The following SLC35F1 variants were observed in gnomAD, a reference collection of about 807,000 sequenced individuals.
The protein encoded by SLC35F1 is solute carrier family 35 member F1.
Under a neutral mutation model 48.7 loss-of-function variants are expected in SLC35F1, and 14 were observed. The ratio of observed to expected loss-of-function variants is 0.29; its 90% CI spans 0.19 to 0.45. The LOEUF (loss-of-function observed/expected upper bound fraction) is 0.45, where lower values mean the gene tolerates loss of function less well. SLC35F1 is among the 20% of genes least tolerant of loss of function. SLC35F1 has a pLI of 1.00. For synonymous variants in SLC35F1, 190 were observed against 202.2 expected (o/e 0.94, Z 0.51); for missense variants, 404 against 500.0 (o/e 0.81, Z 1.83).
intron 1 of SLC35F1, among the ~76,000 whole-genome samples, chr6:118,026,976 C>T (rs1457047028): frequency 6.6e-6 from 1 of 152,090 alleles, no homozygotes; most frequent in African/African-American, 2.4e-5. Context: ...TTGTCATTGC[C>T]TTCTCCTACT....
intron 1 of SLC35F1, among the ~76,000 whole-genome samples, chr6:118,148,551 C>G (rs1774009380): frequency 6.6e-6 from 1 of 152,144 alleles, no homozygotes; most frequent in Non-Finnish European, 1.5e-5. Context: ...CACTATTTTT[C>G]TTGAGACTCA....
chr6:118,058,825 A>G (rs1458745564), intron 1 of SLC35F1, among the ~76,000 whole-genome samples: 3 of 152,180 alleles, frequency 2.0e-5, no homozygotes, highest in Non-Finnish European at 4.4e-5. Context: ...TGGAAGTCTC[A>G]ACTTCAGAAC....
At chr6:118,188,943 T>C (rs567833293) in intron 2 of SLC35F1, among the ~76,000 whole-genome samples, 18 of 152,232 alleles carry the variant, frequency 1.2e-4, no homozygotes, top group African/African-American at 4.3e-4. Context: ...AGACAGAGTC[T>C]TACTCTCACT....
At chr6:117,924,990 C>T (rs1776009942) in intron 1 of SLC35F1, among the ~76,000 whole-genome samples, 1 of 152,082 alleles carries the variant, frequency 6.6e-6, no homozygotes, top group Non-Finnish European at 1.5e-5. Flanking sequence ...ACTACACATT[C>T]AAAAGGAATA....
At chr6:117,997,870 C>G (rs990935057) in intron 1 of SLC35F1, among the ~76,000 whole-genome samples, 2 of 152,034 alleles carry the variant, frequency 1.3e-5, no homozygotes, top group Non-Finnish European at 2.9e-5. Flanking sequence ...CATCAACTAA[C>G]GAGCAAAATA....
At position 118,154,604 on chromosome 6, in the gene SLC35F1, A is replaced by C. The variant is rs1582698590; in HGVS notation, c.333A>C (p.Thr111=). The C allele has an allele frequency of 6.2e-7, 1 of 1,609,980 alleles. No homozygotes were observed. The highest frequency in any genetic ancestry group is 1.1e-5 in the South Asian group (1 of 89,950). The part of the protein sequence containing the change: ...YILLFLVYTT[T]LAVRQGEENL... ...TTCTCTTCTTGGTCTATACCACCAC[A>C]CTAGCCGTCAGACAAGGTAAGCTCA... Residue 111 remains threonine, a synonymous_variant, in exon 2 of 8, where the codon ACA becomes ACC. Coordinates refer to ENST00000360388, the MANE Select transcript of SLC35F1 (RefSeq NM_001029858.4).
rs1554216718 is a variant in SLC35F1 at position 117,923,694 on chromosome 6, C to CATATGTATAT, written c.173+15799_173+15800insGTATATATAT. Among the ~76,000 whole-genome samples the CATATGTATAT allele has an allele frequency of 1.1e-3, 15 of 13,506 alleles. 5 individuals are homozygous for CATATGTATAT. Among genetic ancestry groups the CATATGTATAT allele is most frequent in the East Asian group, 5.9e-3 (2 of 340 alleles). 8.9% of individuals were successfully genotyped at this position (13,506 alleles called of 152,430 possible). On this transcript the variant is annotated intron_variant, in intron 1 of 7. Coordinates refer to ENST00000360388, the MANE Select transcript of SLC35F1 (RefSeq NM_001029858.4). ...ATATATGTACATATATACATATGTA[C>CATATGTATAT]ATATACATATATGTACATATATACA...
At chr6:118,094,937 C>T (rs1319664798) in intron 1 of SLC35F1, among the ~76,000 whole-genome samples, 3 of 149,828 alleles carry the variant, frequency 2.0e-5, no homozygotes, top group Admixed American at 1.3e-4. Flanking sequence ...CACTGCAGTC[C>T]AGCCTGGGTG....
chr6:118,046,958 G>C lies in SLC35F1; in HGVS notation c.174-107487G>C, dbSNP rs959599325. Among the ~76,000 whole-genome samples, 9 of 2,116 alleles carry C rather than the reference G, an allele frequency of 4.3e-3. No homozygotes were observed. In the Admixed American group the frequency reaches 0.075, roughly 18 times the overall value. 1.4% of individuals were successfully genotyped at this position (2,116 alleles called of 152,430 possible). On this transcript the variant is annotated intron_variant, in intron 1 of 7. Transcript: ENST00000360388. ...TTTTCAATTACTGATAGATTTTTGA[G>C]ATATAAAAAAATCATATTTAGTCTT...
intron 4 of SLC35F1, among the ~76,000 whole-genome samples, chr6:118,272,558 A>ATC (rs1178289905): frequency 6.6e-6 from 1 of 152,066 alleles, no homozygotes; most frequent in Non-Finnish European, 1.5e-5. Context: ...GCAATATGTT[A>ATC]TAATTTCCAG....
At chr6:117,945,470 T>C (rs1776284903) in intron 1 of SLC35F1, among the ~76,000 whole-genome samples, 2 of 152,214 alleles carry the variant, frequency 1.3e-5, no homozygotes, top group Admixed American at 6.5e-5. Flanking sequence ...TAGATTGTTA[T>C]TTAGGAAGAG....
intron 6 of SLC35F1, among the ~76,000 whole-genome samples, chr6:118,281,204 C>CTCTCTCTCTA (rs367855949): frequency 3.9e-4 from 51 of 130,480 alleles, no homozygotes; most frequent in South Asian, 5.4e-4. Context: ...CTCTCTCTCT[C>CTCTCTCTCTA]TATATATATA....
chr6:118,081,254 A>T (rs1772903554), intron 1 of SLC35F1, among the ~76,000 whole-genome samples: 1 of 152,156 alleles, frequency 6.6e-6, no homozygotes, highest in Non-Finnish European at 1.5e-5. Context: ...TCACACATAC[A>T]AAAATGCTCA....
intron 2 of SLC35F1, among the ~76,000 whole-genome samples, chr6:118,218,268 A>G (rs529468763): frequency 5.3e-5 from 8 of 152,322 alleles, no homozygotes; most frequent in Non-Finnish European, 1.2e-4. Context: ...CAAGTTTCTT[A>G]CTAAGGAATT....
rs567664894 is a variant in SLC35F1 at position 117,907,671 on chromosome 6, G to C, written c.-56G>C. ...CTGCGCGTTCCCGGGCCCGGAACCG[G>C]CACACGATGCACCCGGCTGCGTTCT... On this transcript the variant is annotated 5_prime_UTR_variant, in exon 1 of 8. Transcript: ENST00000360388. The C allele has an allele frequency of 9.4e-5, 107 of 1,132,626 alleles. No individual in the cohort carries two copies. The Middle Eastern group carries it at 2.5e-3, about 26-fold the overall frequency. 70.2% of individuals were successfully genotyped at this position (1,132,626 alleles called of 1,614,324 possible).
At chr6:117,918,609 C>T (rs988576856) in intron 1 of SLC35F1, among the ~76,000 whole-genome samples, 1 of 151,896 alleles carries the variant, frequency 6.6e-6, no homozygotes, top group Non-Finnish European at 1.5e-5. Context: ...ACAGTCATTT[C>T]GAAGAGTAAG....
At chr6:118,276,902 C>A (rs1775924391) in intron 5 of SLC35F1, among the ~76,000 whole-genome samples, 1 of 152,038 alleles carries the variant, frequency 6.6e-6, no homozygotes, top group South Asian at 2.1e-4. Context: ...GGAGTGATAC[C>A]AATGCCACCT....
At chr6:117,994,994 C>A (rs959888855) in intron 1 of SLC35F1, among the ~76,000 whole-genome samples, 4 of 152,160 alleles carry the variant, frequency 2.6e-5, no homozygotes, top group African/African-American at 9.7e-5. Flanking sequence ...ATCAGCACTC[C>A]TTGAATTACA....
intron 2 of SLC35F1, among the ~76,000 whole-genome samples, chr6:118,170,661 A>G (rs1339382955): frequency 2.0e-5 from 3 of 152,008 alleles, no homozygotes; most frequent in Non-Finnish European, 4.4e-5. Context: ...GGCTGGTCTC[A>G]AACTCCTGAG....
Sources: allele counts gnomAD v4.1 joint callset (sites outside exome capture counted in the v4.1 genomes callset), GRCh38; gene constraint gnomAD v4.1.1; transcripts MANE v1.5; gene names NCBI Gene and HGNC (gene_info 2026-07-23, HGNC 2026-07-21).